RPH3A: variants seen among roughly 807,000 people sequenced by gnomAD.
RPH3A encodes the protein rabphilin-3A.
RPH3A carries 48 observed loss-of-function variants against 102.2 expected under a neutral mutation model. That is an observed-to-expected ratio of 0.47 (90% CI 0.37 to 0.60). The LOEUF is 0.60. Ranked by LOEUF, RPH3A falls within the 20% of genes least tolerant of loss-of-function variation. The probability of loss-of-function intolerance (pLI) is 0.00; values close to 1 mark genes in which losing one functional copy is unlikely to be tolerated. For missense variants in RPH3A, 781 were observed against 910.1 expected, an observed-to-expected ratio of 0.86 and a Z score of 1.83; for synonymous variants, 310 against 324.3, an observed-to-expected ratio of 0.96 and a Z score of 0.47.
At chr12:112,732,769 C>T (rs1386274718) in intron 1 of RPH3A, among the ~76,000 whole-genome samples, 1 of 152,056 alleles carries the variant, frequency 6.6e-6, no homozygotes, top group Non-Finnish European at 1.5e-5. Context: ...TATGGGCCAC[C>T]CTGGGAGGTG....
intron 1 of RPH3A, among the ~76,000 whole-genome samples, chr12:112,597,403 T>C (rs2039525140): frequency 6.6e-6 from 1 of 151,858 alleles, no homozygotes; most frequent in South Asian, 2.1e-4. Flanking sequence ...GGCAACATGG[T>C]AAAACCCCAC....
chr12:112,716,900 A>G (rs566240831), intron 1 of RPH3A, among the ~76,000 whole-genome samples: 191 of 152,350 alleles, frequency 1.3e-3, no homozygotes, highest in African/African-American at 4.5e-3. Flanking sequence ...GTAGAAGTCT[A>G]TGGCCTAGTG....
intron 1 of RPH3A, among the ~76,000 whole-genome samples, chr12:112,646,789 C>A (rs1439909030): frequency 6.6e-6 from 1 of 152,196 alleles, no homozygotes; most frequent in African/African-American, 2.4e-5. Flanking sequence ...GGGCCTGGGA[C>A]TCAACAGTGA....
chr12:112,594,118 A>G (rs2039498327), intron 1 of RPH3A, among the ~76,000 whole-genome samples: 1 of 152,180 alleles, frequency 6.6e-6, no homozygotes, highest in South Asian at 2.1e-4. Flanking sequence ...ACTGCCTCTA[A>G]TCAGTTGTGT....
At chr12:112,576,335 A>G (rs2039358935) in intron 1 of RPH3A, among the ~76,000 whole-genome samples, 1 of 152,164 alleles carries the variant, frequency 6.6e-6, no homozygotes, top group Non-Finnish European at 1.5e-5. Flanking sequence ...TTCTTGTCTC[A>G]GCCTCCTGAG....
chr12:112,814,439 A>G (rs2041635999), intron 2 of RPH3A, among the ~76,000 whole-genome samples: 1 of 152,024 alleles, frequency 6.6e-6, no homozygotes, highest in Admixed American at 6.5e-5. Context: ...ATTACCTCCA[A>G]TGATGGGGAG....
At chr12:112,805,353 C>T (rs976013698) in intron 2 of RPH3A, among the ~76,000 whole-genome samples, 24 of 152,106 alleles carry the variant, frequency 1.6e-4, no homozygotes, top group African/African-American at 5.8e-4. Context: ...CAAGGCCTAT[C>T]CCCAGAAATT....
chr12:112,760,088 C>T (rs936632956), intron 1 of RPH3A, among the ~76,000 whole-genome samples: 6 of 152,300 alleles, frequency 3.9e-5, no homozygotes, highest in Non-Finnish European at 8.8e-5. Context: ...TGAGCTGAAA[C>T]ACCACATTTA....
chr12:112,665,930 C>T (rs921456662), intron 1 of RPH3A, among the ~76,000 whole-genome samples: 3 of 152,214 alleles, frequency 2.0e-5, no homozygotes, highest in Non-Finnish European at 4.4e-5. Flanking sequence ...CACTGCAAAG[C>T]CTTCCTGAGC....
rs184364881 is a variant in RPH3A, at chr12:112,852,058, A to T, written c.230+4216A>T. On this transcript the variant is annotated intron_variant, in intron 5 of 21. Coordinates refer to ENST00000389385, the MANE Select transcript of RPH3A (RefSeq NM_001143854.2). ...CTGGGCAGGTTTTCTGCTTCAGGGG[A>T]CGTGGGCTAGGTTTGCTCACTCAGC... Among the ~76,000 whole-genome samples, 148 of 152,236 alleles carry T rather than the reference A, an allele frequency of 9.7e-4. 2 individuals carry two copies. Among genetic ancestry groups the T allele is most frequent in the African/African-American group, 3.3e-3 (136 of 41,544 alleles).
intron 1 of RPH3A, among the ~76,000 whole-genome samples, chr12:112,716,354 T>TAG (rs1313121532): frequency 1.3e-5 from 2 of 152,210 alleles, no homozygotes; most frequent in Admixed American, 1.3e-4. Flanking sequence ...TATTACTGAA[T>TAG]GACTGAATGA....
rs1565857102 is a variant in RPH3A, at chr12:112,713,003, TCC to T, written c.-139-79139_-139-79138del. ...TTCTTCGTCGTCTTTGTCTTCCTCT[TCC>T]TCTTCCTCTTCCTCTTCCTCTTCTT... On this transcript the variant is annotated intron_variant, in intron 1 of 21. Transcript: ENST00000543106. Among the ~76,000 whole-genome samples, 82 of 75,776 alleles carry T rather than the reference TCC, an allele frequency of 1.1e-3. 4 individuals are homozygous for T. Among genetic ancestry groups the T allele is most frequent in the South Asian group, 5.0e-3 (8 of 1,608 alleles). 49.7% of individuals were successfully genotyped at this position (75,776 alleles called of 152,430 possible).
Position 112,876,713 on chromosome 12 carries a change from C to G in RPH3A, c.1018C>G (p.Pro340Ala), listed in dbSNP as rs774103126. 9 of 1,613,528 alleles carry G rather than the reference C, an allele frequency of 5.6e-6. No homozygotes were observed. Among genetic ancestry groups the G allele is most frequent in the Admixed American group, 1.7e-5 (1 of 59,960 alleles). ...EERTGGVGGY[P>A]AVGAREDRMS... ...GAGAACAGGGGGAGTCGGGGGCTACCCAGCAGTTGGAGCCAGAGAGGACCG... is the reference window on the plus strand; with the variant it reads ...GAGAACAGGGGGAGTCGGGGGCTACGCAGCAGTTGGAGCCAGAGAGGACCG... The change falls in exon 13 of 22, where the codon CCA (proline) becomes GCA (alanine). Residue 340 changes from proline (P) to alanine (A), a missense_variant. Physicochemically the swap from Pro to Ala is conservative, Grantham distance 27 (BLOSUM62 -1). This residue lies in a region of RPH3A where 730 missense variants were observed against 810.0 expected (regional missense o/e 0.90). Coordinates refer to ENST00000389385, the MANE Select transcript of RPH3A (RefSeq NM_001143854.2).
At chr12:112,678,592 T>C (rs575372865) in intron 1 of RPH3A, among the ~76,000 whole-genome samples, 1 of 152,250 alleles carries the variant, frequency 6.6e-6, no homozygotes, top group Admixed American at 6.5e-5. Flanking sequence ...CTGCTTGGAC[T>C]CATCTCCTGT....
chr12:112,642,846 T>A (rs2039900492), intron 1 of RPH3A, among the ~76,000 whole-genome samples: 1 of 152,212 alleles, frequency 6.6e-6, no homozygotes, highest in South Asian at 2.1e-4. Context: ...CATTCCCATT[T>A]TCTAGCAGTG....
chr12:112,773,095 T>C (rs1444367297), intron 1 of RPH3A, among the ~76,000 whole-genome samples: 1 of 151,962 alleles, frequency 6.6e-6, no homozygotes, highest in Non-Finnish European at 1.5e-5. Context: ...TAGTATTCCA[T>C]CATATATATA....
At chr12:112,802,580 TA>T (rs904374913) in intron 2 of RPH3A, among the ~76,000 whole-genome samples, 12 of 152,010 alleles carry the variant, frequency 7.9e-5, no homozygotes, top group African/African-American at 2.9e-4. Context: ...GCTGTGAGTA[TA>T]GGGGGTATGG....
chr12:112,770,782 T>TG (rs2040922252), intron 1 of RPH3A, among the ~76,000 whole-genome samples: 1 of 152,144 alleles, frequency 6.6e-6, no homozygotes, highest in African/African-American at 2.4e-5. Context: ...GAAAATATAA[T>TG]TGAACACAAT....
At chr12:112,753,929 G>T (rs2040803173) in intron 1 of RPH3A, among the ~76,000 whole-genome samples, 1 of 152,122 alleles carries the variant, frequency 6.6e-6, no homozygotes, top group Non-Finnish European at 1.5e-5. Context: ...GAGGCAGGAG[G>T]GTCAGAGTTC....
Sources: allele counts gnomAD v4.1 joint callset (sites outside exome capture counted in the v4.1 genomes callset), GRCh38; gene constraint gnomAD v4.1.1; regional missense constraint gnomAD v4.1.1; transcripts MANE v1.5; gene names NCBI Gene and HGNC (gene_info 2026-07-23, HGNC 2026-07-21).